Variants in DIAPH3 observed in about 807,000 individuals in gnomAD.
The protein encoded by DIAPH3 is diaphanous related formin 3.
In DIAPH3, 117 loss-of-function variants were observed where a neutral mutation model predicts 144.3. The observed-to-expected ratio is 0.81, with a 90% CI of 0.70 to 0.95. The LOEUF (loss-of-function observed/expected upper bound fraction) is 0.95. Ranked by LOEUF, DIAPH3 falls within the 40% of genes least tolerant of loss-of-function variation. DIAPH3 has a pLI of 0.00. For synonymous variants in DIAPH3, 519 were observed against 488.9 expected (o/e 1.06, Z -0.81); for missense variants, 1,421 against 1,412.7 (o/e 1.01, Z -0.09).
At chr13:60,088,269 T>A (rs1262624607) in intron 4 of DIAPH3, among the ~76,000 whole-genome samples, 4 of 152,044 alleles carry the variant, frequency 2.6e-5, no homozygotes, top group Non-Finnish European at 4.4e-5. Context: ...CTGCACTACA[T>A]AACATAAACC....
chr13:59,745,979 C>G (rs2139080427), intron 27 of DIAPH3, among the ~76,000 whole-genome samples: 1 of 152,136 alleles, frequency 6.6e-6, no homozygotes, highest in South Asian at 2.1e-4. Context: ...CACTAATTTT[C>G]TTTTTGCACT....
intron 21 of DIAPH3, among the ~76,000 whole-genome samples, chr13:59,874,700 T>A (rs1356493040): frequency 6.6e-6 from 1 of 152,206 alleles, no homozygotes; most frequent in African/African-American, 2.4e-5. Context: ...GTTATTTGTT[T>A]CTGCAATTTT....
At chr13:59,848,524 A>T (rs904764633) in intron 22 of DIAPH3, among the ~76,000 whole-genome samples, 4 of 134,962 alleles carry the variant, frequency 3.0e-5, no homozygotes, top group Non-Finnish European at 6.3e-5. Context: ...TGTCCATGTG[A>T]TCTCATTGTT....
chr13:59,983,229 G>A (rs1032627551), intron 13 of DIAPH3, among the ~76,000 whole-genome samples: 1 of 147,548 alleles, frequency 6.8e-6, no homozygotes, highest in East Asian at 2.0e-4. Flanking sequence ...AAAAGGCTTC[G>A]GGGGGGACAG....
chr13:59,799,321 G>A (rs1459359288), intron 25 of DIAPH3, among the ~76,000 whole-genome samples: 2 of 149,334 alleles, frequency 1.3e-5, no homozygotes, highest in African/African-American at 4.9e-5. Context: ...AAGAGATCAT[G>A]GAAGGGAATT....
intron 4 of DIAPH3, among the ~76,000 whole-genome samples, chr13:60,043,925 G>A (rs188675105): frequency 2.7e-4 from 41 of 152,212 alleles, no homozygotes; most frequent in African/African-American, 8.9e-4. Flanking sequence ...GTCAAAGAAA[G>A]CCTCACAGAG....
intron 25 of DIAPH3, among the ~76,000 whole-genome samples, chr13:59,802,722 C>T (rs562767807): frequency 3.7e-5 from 4 of 107,902 alleles, no homozygotes; most frequent in Non-Finnish European, 7.0e-5. Flanking sequence ...TCGCCCAGGC[C>T]GGACTGCGGA....
At chr13:60,145,487 A>T (rs889996291) in intron 1 of DIAPH3, among the ~76,000 whole-genome samples, 2 of 152,150 alleles carry the variant, frequency 1.3e-5, no homozygotes, top group East Asian at 3.8e-4. Context: ...CTCTACTAAA[A>T]AAAATACAAA....
At chr13:60,074,181 G>C (rs765546090) in intron 4 of DIAPH3, among the ~76,000 whole-genome samples, 1 of 152,020 alleles carries the variant, frequency 6.6e-6, no homozygotes, top group African/African-American at 2.4e-5. Flanking sequence ...ACACTGTCCT[G>C]GCAATAATTC....
chr13:59,671,126 A>T (rs892133661), intron 27 of DIAPH3, among the ~76,000 whole-genome samples: 1 of 152,212 alleles, frequency 6.6e-6, no homozygotes, highest in Non-Finnish European at 1.5e-5. Context: ...ATTCCATGCA[A>T]AAACATGCAC....
chr13:60,030,944 G>A (rs1278223715), intron 5 of DIAPH3, among the ~76,000 whole-genome samples: 1 of 152,226 alleles, frequency 6.6e-6, no homozygotes, highest in East Asian at 1.9e-4. Context: ...TAGCCCTGCA[G>A]AGGGACTGCA....
chr13:60,162,748 A>C (rs1384539979), intron 1 of DIAPH3, among the ~76,000 whole-genome samples: 1 of 150,806 alleles, frequency 6.6e-6, no homozygotes, highest in African/African-American at 2.4e-5. Flanking sequence ...TAAATTTCTC[A>C]CAATTTTTAC....
intron 20 of DIAPH3, among the ~76,000 whole-genome samples, chr13:59,909,669 T>C (rs1328491989): frequency 3.3e-5 from 5 of 152,196 alleles, no homozygotes; most frequent in Non-Finnish European, 5.9e-5. Context: ...ATTGTTCATA[T>C]TGTCTGTAGA....
At chr13:60,125,394 ATTTTTTTT>A (rs56267083) in intron 2 of DIAPH3, among the ~76,000 whole-genome samples, 5 of 97,868 alleles carry the variant, frequency 5.1e-5, no homozygotes, top group Middle Eastern at 5.9e-3. Context: ...CACCCAGCTA[ATTTTTTTT>A]TTTTTTTTTT....
rs925438359 is a variant in DIAPH3 at position 59,665,961 on chromosome 13, G to A, written c.*623C>T. 8.5e-5 allele frequency: 13 copies of A among 152,070 alleles called. No individual in the cohort carries two copies. The highest frequency in any genetic ancestry group is 2.4e-4 in the African/African-American group (10 of 41,384). 9.4% of individuals were successfully genotyped at this position (152,070 alleles called of 1,614,324 possible). ...ATACATTCTTATTGCATCATTTTTC[G>A]TTATGTGCTCAATTGCCTTATGGTC... is the stretch of plus-strand genomic sequence containing the variant. On this transcript the variant is annotated 3_prime_UTR_variant, in exon 28 of 28. Transcript: ENST00000400324.
chr13:60,156,815 G>T (rs1952041491), intron 1 of DIAPH3, among the ~76,000 whole-genome samples: 1 of 149,958 alleles, frequency 6.7e-6, no homozygotes, highest in South Asian at 2.1e-4. Context: ...AACAGAAGTT[G>T]CTTAAATAAG....
chr13:60,044,755 C>T lies in DIAPH3; in HGVS notation c.496-1935G>A, dbSNP rs1387650660. Among the ~76,000 whole-genome samples, 4 of 151,946 alleles carry T rather than the reference C, an allele frequency of 2.6e-5. No individual in the cohort carries two copies. The South Asian group carries it at 8.4e-4, about 32-fold the overall frequency. On this transcript the variant is annotated intron_variant, in intron 4 of 27. Transcript: ENST00000400324. ...ATATATGATATGGTTTGGCTGTGTC[C>T]CCACCCAAATCCATCTTGAATAGTA...
chr13:59,693,446 T>C (rs1270384164), intron 27 of DIAPH3, among the ~76,000 whole-genome samples: 2 of 152,178 alleles, frequency 1.3e-5, no homozygotes. Context: ...GGCTTAAAAG[T>C]GTATGACATT....
At chr13:59,847,005 G>C (rs550410376) in intron 22 of DIAPH3, among the ~76,000 whole-genome samples, 2 of 152,248 alleles carry the variant, frequency 1.3e-5, no homozygotes, top group African/African-American at 4.8e-5. Flanking sequence ...CTTGAGCCCA[G>C]GAATTTGAAG....
Sources: gnomAD v4.1 joint callset for allele counts (sites outside exome capture counted in the v4.1 genomes callset) on GRCh38, gnomAD v4.1.1 for gene constraint, MANE v1.5 for transcripts, NCBI Gene and HGNC (gene_info 2026-07-23, HGNC 2026-07-21) for gene names.